FAM53B: variants seen among roughly 807,000 people sequenced by gnomAD.
FAM53B encodes the protein family with sequence similarity 53 member B, also known as protein FAM53B.
In FAM53B, 12 loss-of-function variants were observed where a neutral mutation model predicts 32.7. The observed-to-expected ratio is 0.37, with a 90% confidence interval of 0.24 to 0.59. The LOEUF (loss-of-function observed/expected upper bound fraction) is 0.59, where lower values mean the gene tolerates loss of function less well. FAM53B is among the 20% of genes least tolerant of loss of function. The pLI, the probability that FAM53B is intolerant of heterozygous loss-of-function variation, is 0.72. For missense variants in FAM53B, 477 were observed against 577.7 expected (o/e 0.83, Z 1.79); for synonymous variants, 234 against 228.7 (o/e 1.02, Z -0.21).
chr10:124,646,321 A>G (rs1933379896), intron 4 of FAM53B, among the ~76,000 whole-genome samples: 1 of 152,276 alleles, frequency 6.6e-6, no homozygotes, highest in Middle Eastern at 3.4e-3. Flanking sequence ...TGGCTTCAAT[A>G]CAGATGGGCT....
rs7072812 is a variant in FAM53B, at chr10:124,636,525, C to T, written c.907-12921G>A. 4.1e-3 allele frequency among the ~76,000 whole-genome samples: 624 copies of T among 152,316 alleles called. 2 individuals carry two copies. The highest frequency in any genetic ancestry group is 0.014 in the East Asian group (71 of 5,182). Reference sequence around the variant, plus strand: ...GCTGGTAGGTGCTTTCACAGAACAACAGGAAGAGGGAGATCCCAGGAAAAC... The same window carrying T: ...GCTGGTAGGTGCTTTCACAGAACAATAGGAAGAGGGAGATCCCAGGAAAAC... On this transcript the variant is annotated intron_variant, in intron 4 of 4. Coordinates refer to ENST00000337318, the MANE Select transcript of FAM53B (RefSeq NM_014661.4).
In FAM53B at chr10:124,651,835, G is replaced by A. The variant is rs1405926986; in HGVS notation, c.907-28231C>T. 1.3e-5 allele frequency among the ~76,000 whole-genome samples: 2 copies of A among 152,204 alleles called. No homozygotes were observed. The highest frequency in any genetic ancestry group is 2.9e-5 in the Non-Finnish European group (2 of 68,032). On this transcript the variant is annotated intron_variant, in intron 4 of 4. Coordinates refer to ENST00000337318, the MANE Select transcript of FAM53B (RefSeq NM_014661.4). This position sits in a 1 kb window ranked among gnomAD's most constrained non-coding sequence, Gnocchi z 5.2. ...CTATGACTGGGCCTGGAACGTTCACGCCAGCCCCAGCGTCAGGACAACTGC... is the reference window on the plus strand; with the variant it reads ...CTATGACTGGGCCTGGAACGTTCACACCAGCCCCAGCGTCAGGACAACTGC...
intron 1 of FAM53B, among the ~76,000 whole-genome samples, chr10:124,737,742 C>T (rs1486865303): frequency 1.3e-5 from 2 of 152,148 alleles, no homozygotes; most frequent in East Asian, 3.9e-4. Context: ...AGGCTCTGAG[C>T]TGACAGAGTG....
chr10:124,624,897 C>T (rs950200891), intron 4 of FAM53B, among the ~76,000 whole-genome samples: 10 of 152,270 alleles, frequency 6.6e-5, no homozygotes, highest in African/African-American at 1.4e-4. Context: ...ACTGCAGCAA[C>T]GAGGTCGAAT....
At chr10:124,721,212 G>A (rs561836504) in intron 1 of FAM53B, among the ~76,000 whole-genome samples, 1 of 152,324 alleles carries the variant, frequency 6.6e-6, no homozygotes, top group South Asian at 2.1e-4. Flanking sequence ...AAAAAATAAA[G>A]TTCAGAAATC....
chr10:124,662,494 CCATCCATCCA>C, intron 4 of FAM53B, among the ~76,000 whole-genome samples: 1 of 75,844 alleles, frequency 1.3e-5, no homozygotes, highest in Non-Finnish European at 2.6e-5. Flanking sequence ...ATCCATCCAT[CCATCCATCCA>C]TCCATCCATG....
At chr10:124,650,651 C>T (rs1219889673) in intron 4 of FAM53B, among the ~76,000 whole-genome samples, 1 of 152,174 alleles carries the variant, frequency 6.6e-6, no homozygotes, top group Non-Finnish European at 1.5e-5. Context: ...ACCCTAACCC[C>T]AGGACTCCAG....
intron 3 of FAM53B, among the ~76,000 whole-genome samples, chr10:124,686,733 G>C (rs1677703771): frequency 6.6e-6 from 1 of 152,242 alleles, no homozygotes; most frequent in Non-Finnish European, 1.5e-5. Context: ...TTAGTTGGTG[G>C]TGCATGAATG....
rs1949782549 is a variant in FAM53B, at chr10:124,682,969, G to C, written c.134-590C>G. ...GATAATAGAAGCTGGAACTTGTACT[G>C]ATTTAGGTCACCTCCGTCAAAATGC... On this transcript the variant is annotated intron_variant, in intron 3 of 4. Coordinates refer to ENST00000337318, the MANE Select transcript of FAM53B (RefSeq NM_014661.4). This position sits in a 1 kb window ranked among gnomAD's most constrained non-coding sequence, Gnocchi z 5.2. Among the ~76,000 whole-genome samples the C allele has an allele frequency of 6.6e-6, 1 of 152,260 alleles. No individual in the cohort carries two copies. Among genetic ancestry groups the C allele is most frequent in the African/African-American group, 2.4e-5 (1 of 41,474 alleles).
intron 2 of FAM53B, among the ~76,000 whole-genome samples, chr10:124,699,380 G>A (rs956581828): frequency 6.6e-6 from 1 of 152,224 alleles, no homozygotes; most frequent in South Asian, 2.1e-4. Context: ...CTGGCCTCAC[G>A]CAAAGTCAAA....
intron 1 of FAM53B, among the ~76,000 whole-genome samples, chr10:124,729,345 G>A (rs10901811): frequency 0.21 from 32,221 of 152,086 alleles, 3,814 homozygotes; most frequent in Non-Finnish European, 0.26. Flanking sequence ...AGGGGGACAC[G>A]TAATCAAGGC....
chr10:124,643,746 G>A (rs1287509328), intron 4 of FAM53B, among the ~76,000 whole-genome samples: 1 of 152,236 alleles, frequency 6.6e-6, no homozygotes, highest in Non-Finnish European at 1.5e-5. Flanking sequence ...TTCCCCCACA[G>A]GGCTGCCCCC....
At chr10:124,634,595 C>T (rs543618439) in intron 4 of FAM53B, among the ~76,000 whole-genome samples, 37 of 152,362 alleles carry the variant, frequency 2.4e-4, no homozygotes, top group African/African-American at 8.4e-4. Flanking sequence ...CTTCCCCTTC[C>T]GCCATGACTG....
intron 1 of FAM53B, among the ~76,000 whole-genome samples, chr10:124,737,245 C>T (rs1466492335): frequency 6.6e-6 from 1 of 152,224 alleles, no homozygotes; most frequent in African/African-American, 2.4e-5. Context: ...AACCCAACTC[C>T]CCACAGGGGG....
chr10:124,699,806 G>A (rs1388008170), intron 2 of FAM53B, among the ~76,000 whole-genome samples: 2 of 152,202 alleles, frequency 1.3e-5, no homozygotes, highest in Non-Finnish European at 2.9e-5. Context: ...ACAGAGCTGG[G>A]GCTGATCCGC....
chr10:124,649,885 T>G lies in FAM53B; in HGVS notation c.907-26281A>C, dbSNP rs142423094. Reference sequence around the variant, plus strand: ...AAGTCCCAGGAAACGCGCCATTCATTTTAAGTCCATGGTGCCTTTAGGAAG... The same window carrying G: ...AAGTCCCAGGAAACGCGCCATTCATGTTAAGTCCATGGTGCCTTTAGGAAG... On this transcript the variant is annotated intron_variant, in intron 4 of 4. Coordinates refer to ENST00000337318, the MANE Select transcript of FAM53B (RefSeq NM_014661.4). Among the ~76,000 whole-genome samples the G allele has an allele frequency of 4.7e-4, 71 of 152,264 alleles. 1 individual carries two copies. In the East Asian group the frequency reaches 0.012, roughly 27 times the overall value.
At chr10:124,717,915 C>A (rs1950046750) in intron 1 of FAM53B, among the ~76,000 whole-genome samples, 1 of 152,172 alleles carries the variant, frequency 6.6e-6, no homozygotes, top group African/African-American at 2.4e-5. Context: ...TCCTGCAGGA[C>A]AATCCACCCC....
At chr10:124,645,819 A>G (rs1949509091) in intron 4 of FAM53B, among the ~76,000 whole-genome samples, 1 of 152,140 alleles carries the variant, frequency 6.6e-6, no homozygotes, top group Non-Finnish European at 1.5e-5. Context: ...CCAGGATGGA[A>G]AACCTGGGGC....
At chr10:124,694,422 C>G (rs1949855111) in intron 3 of FAM53B, among the ~76,000 whole-genome samples, 1 of 152,276 alleles carries the variant, frequency 6.6e-6, no homozygotes, top group African/African-American at 2.4e-5. Flanking sequence ...GTCTCTGGGC[C>G]TCAAGACCTG....
Sources: gnomAD v4.1 joint callset for allele counts (sites outside exome capture counted in the v4.1 genomes callset) on GRCh38, gnomAD v4.1.1 for gene constraint, Gnocchi (gnomAD v3.1) non-coding constraint, MANE v1.5 for transcripts, NCBI Gene and HGNC (gene_info 2026-07-23, HGNC 2026-07-21) for gene names.